Variants in ZNF429 observed in about 807,000 individuals in gnomAD.
ZNF429 encodes the protein zinc finger protein 429.
In ZNF429, 53 loss-of-function variants were observed where a neutral mutation model predicts 56.8. The ratio of observed to expected loss-of-function variants is 0.93; its 90% CI spans 0.75 to 1.17. ZNF429 has a LOEUF of 1.17. ZNF429 is among the 50% of genes most tolerant of loss of function. The pLI is 0.00. For missense variants in ZNF429, 849 were observed against 788.4 expected (o/e 1.08, Z -0.92); for synonymous variants, 278 against 264.7 (o/e 1.05, Z -0.49).
intron 3 of ZNF429, among the ~76,000 whole-genome samples, chr19:21,534,013 A>G: frequency 6.6e-6 from 1 of 152,086 alleles, no homozygotes; most frequent in Non-Finnish European, 1.5e-5. Flanking sequence ...CTGTCTTGTC[A>G]GTACCACATT....
intron 1 of ZNF429, among the ~76,000 whole-genome samples, chr19:21,511,381 C>A (rs1445407800): frequency 6.7e-6 from 1 of 150,344 alleles, no homozygotes; most frequent in African/African-American, 2.5e-5. Context: ...GGCAGAGACG[C>A]TCCTCACCTC....
chr19:21,531,116 A>AC, intron 3 of ZNF429, among the ~76,000 whole-genome samples: 4 of 86,228 alleles, frequency 4.6e-5, no homozygotes, highest in Non-Finnish European at 7.0e-5. Flanking sequence ...CAAAAAAAAA[A>AC]AAAAAAAAAA....
chr19:21,514,718 C>T (rs891639739), intron 1 of ZNF429, among the ~76,000 whole-genome samples: 4 of 151,838 alleles, frequency 2.6e-5, no homozygotes, highest in African/African-American at 9.7e-5. Context: ...CCTGCCTCAG[C>T]CTCCCAAGTA....
Position 21,536,542 on chromosome 19 carries a change from C to G in ZNF429, c.489C>G (p.Tyr163Ter), listed in dbSNP as rs774502767. ...ATGCATTTTCAAATGCAGATAGATA[C>G]AAGACAAGACATACTGGAAAGAAAC... Reference protein sequence around the residue: ...VFYAFSNADRYKTRHTGKKPF... With the variant: ...VFYAFSNADR The change falls in exon 4 of 4, where the codon TAC becomes TAG. Residue 163 changes from tyrosine to a stop codon, truncating the protein, a stop_gained. Coordinates refer to ENST00000358491, the MANE Select transcript of ZNF429 (RefSeq NM_001001415.4). LOFTEE classifies it high-confidence loss of function. 6.2e-7 allele frequency: 1 copy of G among 1,613,048 alleles called. No individual in the cohort carries two copies. The highest frequency in any genetic ancestry group is 1.1e-5 in the South Asian group (1 of 91,004).
At chr19:21,535,320 T>TTTCTTTCTTTCTTTCC in intron 3 of ZNF429, among the ~76,000 whole-genome samples, 2 of 134,680 alleles carry the variant, frequency 1.5e-5, no homozygotes, top group African/African-American at 6.2e-5. Context: ...TCTTTCTTTC[T>TTTCTTTCTTTCTTTCC]TTCTTTCTCT....
chr19:21,518,819 A>G (rs1299020643), intron 1 of ZNF429: 1 of 122,170 alleles, frequency 8.2e-6, no homozygotes, highest in Non-Finnish European at 1.8e-5. Context: ...CAGCCTTCCA[A>G]AGTGCTGGGA....
intron 1 of ZNF429, chr19:21,521,261 A>C (rs966165537): frequency 2.6e-5 from 4 of 152,182 alleles, no homozygotes; most frequent in African/African-American, 7.2e-5. Flanking sequence ...TGGCCACCCA[A>C]AACCATAATA....
At chr19:21,518,504 T>G (rs1018469539) in intron 1 of ZNF429, 1 of 152,244 alleles carries the variant, frequency 6.6e-6, no homozygotes, top group Non-Finnish European at 1.5e-5. Flanking sequence ...ATTGTTTAAT[T>G]TTCATGTAAT....
chr19:21,505,816 C>T lies in ZNF429; in HGVS notation c.3+42C>T, dbSNP rs1260525859. 2.5e-6 allele frequency: 4 copies of T among 1,605,784 alleles called. No individual in the cohort carries two copies. The South Asian group carries it at 4.4e-5, about 18-fold the overall frequency. ...TGACATCCCCAGAGAGGGGGAGGGG[C>T]TGGTCGGAACCGTGAGAAGTGGCCG... On this transcript the variant is annotated intron_variant, in intron 1 of 3. Transcript: ENST00000358491.
intron 1 of ZNF429, among the ~76,000 whole-genome samples, chr19:21,509,513 C>T (rs1436492507): frequency 6.6e-6 from 1 of 152,168 alleles, no homozygotes; most frequent in Non-Finnish European, 1.5e-5. Context: ...CCAGTGACTC[C>T]AAGCTAAGGC....
At chr19:21,534,992 C>CT in intron 3 of ZNF429, among the ~76,000 whole-genome samples, 36 of 126,280 alleles carry the variant, frequency 2.9e-4, no homozygotes, top group Admixed American at 8.7e-4. Flanking sequence ...TGTGTTTTTT[C>CT]TTTTTTTTTT....
chr19:21,526,440 G>A (rs548117461), intron 1 of ZNF429, among the ~76,000 whole-genome samples: 1 of 152,266 alleles, frequency 6.6e-6, no homozygotes, highest in African/African-American at 2.4e-5. Flanking sequence ...TTTATCTGAG[G>A]AATGCAAATC....
chr19:21,512,904 C>T (rs890315442), intron 1 of ZNF429, among the ~76,000 whole-genome samples: 1 of 150,484 alleles, frequency 6.6e-6, no homozygotes, highest in African/African-American at 2.4e-5. Flanking sequence ...TGGAGTCTCA[C>T]TCTGTCTTGC....
At chr19:21,506,443 CAAAAA>C (rs1229591215) in intron 1 of ZNF429, among the ~76,000 whole-genome samples, 3 of 99,240 alleles carry the variant, frequency 3.0e-5, no homozygotes, top group Non-Finnish European at 4.1e-5. Context: ...CTATCTCAAA[CAAAAA>C]AAAAAAAAAA....
rs2033820474 is a variant in ZNF429, at chr19:21,538,755, T to C, written c.*677T>C. On this transcript the variant is annotated 3_prime_UTR_variant, in exon 4 of 4. Transcript: ENST00000358491. ...AAAAGGTATACAAATTTAAAAAATG[T>C]GGAAAAGCCATTAAAATCTGTTCAC... 6.6e-6 allele frequency: 1 copy of C among 152,180 alleles called. No individual in the cohort carries two copies. The highest frequency in any genetic ancestry group is 1.5e-5 in the Non-Finnish European group (1 of 68,030). The allele number at this position is 152,180 out of a possible 1,614,324, so 9.4% of individuals were successfully genotyped here.
chr19:21,536,994 A>G lies in ZNF429; in HGVS notation c.941A>G (p.Lys314Arg), dbSNP rs1380427081. ...KIIHTEEKPY[K>R]CKECGKAFNR... ...ATTCATACTGAAGAGAAACCCTACA[A>G]ATGTAAAGAATGTGGCAAAGCCTTT... Residue 314 changes from lysine (K) to arginine (R), a missense_variant, in exon 4 of 4, where the codon AAA (lysine) becomes AGA (arginine). Coordinates refer to ENST00000358491, the MANE Select transcript of ZNF429 (RefSeq NM_001001415.4). 6.2e-7 allele frequency: 1 copy of G among 1,613,430 alleles called. No individual in the cohort carries two copies. Among genetic ancestry groups the G allele is most frequent in the Non-Finnish European group, 8.5e-7 (1 of 1,179,820 alleles).
At chr19:21,515,367 T>C (rs1014556260) in intron 1 of ZNF429, among the ~76,000 whole-genome samples, 2 of 152,094 alleles carry the variant, frequency 1.3e-5, no homozygotes, top group African/African-American at 2.4e-5. Flanking sequence ...CATCAAATGC[T>C]TGTTAGCCAC....
intron 3 of ZNF429, 144 bp downstream of exon 3, chr19:21,530,828 TG>T: frequency 3.1e-6 from 2 of 649,770 alleles, no homozygotes; most frequent in Non-Finnish European, 5.1e-6. Flanking sequence ...ACTTTCAGCC[TG>T]GCACAGTGGT....
chr19:21,531,126 A>AAAC, intron 3 of ZNF429, among the ~76,000 whole-genome samples: 1 of 106,032 alleles, frequency 9.4e-6, no homozygotes, highest in Admixed American at 9.4e-5. Flanking sequence ...AAAAAAAAAA[A>AAAC]AAACCAAAAA....
Sources: allele counts gnomAD v4.1 joint callset (sites outside exome capture counted in the v4.1 genomes callset), GRCh38; gene constraint gnomAD v4.1.1; transcripts MANE v1.5; gene names NCBI Gene and HGNC (gene_info 2026-07-23, HGNC 2026-07-21).